OCA2: variants seen among roughly 807,000 people sequenced by gnomAD.
The protein encoded by OCA2 is P protein.
Under a neutral mutation model 100.2 loss-of-function variants are expected in OCA2, and 77 were observed. The ratio of observed to expected loss-of-function variants is 0.77; its 90% CI spans 0.64 to 0.93. The LOEUF is 0.93. OCA2 is among the 40% of genes least tolerant of loss of function. The probability of loss-of-function intolerance (pLI) is 0.00; values close to 1 mark genes in which losing one functional copy is unlikely to be tolerated. For missense variants in OCA2, 1,062 were observed against 1,089.1 expected, an observed-to-expected ratio of 0.98 and a Z score of 0.35; for synonymous variants, 432 against 439.2, an observed-to-expected ratio of 0.98 and a Z score of 0.21.
chr15:28,066,173 T>TG (rs753528760), intron 2 of OCA2, among the ~76,000 whole-genome samples: 1 of 152,230 alleles, frequency 6.6e-6, no homozygotes, highest in Non-Finnish European at 1.5e-5. Flanking sequence ...ATGAGTCACT[T>TG]GGAGATAAAT....
At chr15:28,092,543 G>A (rs1450826237) in intron 1 of OCA2, among the ~76,000 whole-genome samples, 1 of 152,038 alleles carries the variant, frequency 6.6e-6, no homozygotes, top group African/African-American at 2.4e-5. Context: ...AGTAGAGATG[G>A]GGTCTTACTA....
chr15:27,814,202 T>C (rs1304234939), intron 23 of OCA2, among the ~76,000 whole-genome samples: 1 of 148,812 alleles, frequency 6.7e-6, no homozygotes, highest in Admixed American at 6.7e-5. Flanking sequence ...ATCCACAGTT[T>C]ATTTTTTTAA....
intron 21 of OCA2, among the ~76,000 whole-genome samples, chr15:27,860,556 G>A (rs1327011268): frequency 6.6e-6 from 1 of 152,144 alleles, no homozygotes; most frequent in Non-Finnish European, 1.5e-5. Flanking sequence ...GTAATATTTG[G>A]TTTTCTGTTT....
chr15:27,800,455 GA>G (rs1184859464), intron 23 of OCA2, among the ~76,000 whole-genome samples: 8 of 152,088 alleles, frequency 5.3e-5, no homozygotes, highest in African/African-American at 1.2e-4. Context: ...AGAATGATCA[GA>G]AAAAAATACA....
At chr15:28,073,367 T>A (rs1454796223) in intron 2 of OCA2, among the ~76,000 whole-genome samples, 1 of 152,056 alleles carries the variant, frequency 6.6e-6, no homozygotes, top group Non-Finnish European at 1.5e-5. Context: ...TGAGCAAAGA[T>A]TGCACCACTG....
chr15:27,732,371 CCT>C, the OCA2 span, among the ~76,000 whole-genome samples: 1 of 152,146 alleles, frequency 6.6e-6, no homozygotes, highest in Non-Finnish European at 1.5e-5. Flanking sequence ...GAAGAGAGCC[CCT>C]CTGTTGAGAA....
chr15:27,924,392 A>G (rs1330089389), intron 19 of OCA2, among the ~76,000 whole-genome samples: 2 of 119,322 alleles, frequency 1.7e-5, no homozygotes, highest in Non-Finnish European at 3.5e-5. Context: ...GGTCAATTGT[A>G]TGTCTTTTTT....
intron 9 of OCA2, among the ~76,000 whole-genome samples, chr15:27,997,999 G>T (rs2041804799): frequency 1.5e-5 from 2 of 135,974 alleles, no homozygotes; most frequent in Admixed American, 7.7e-5. Context: ...TGGTGTATAA[G>T]AATGCTTGTG....
At chr15:27,894,229 C>T (rs2037590481) in intron 19 of OCA2, among the ~76,000 whole-genome samples, 1 of 152,200 alleles carries the variant, frequency 6.6e-6, no homozygotes, top group Non-Finnish European at 1.5e-5. Context: ...GCCTTTGTCT[C>T]CCACTCCCAC....
intron 3 of OCA2, among the ~76,000 whole-genome samples, chr15:28,030,838 G>C (rs1260669437): frequency 6.6e-6 from 1 of 152,216 alleles, no homozygotes; most frequent in Non-Finnish European, 1.5e-5. Context: ...AGTCTTAAAA[G>C]AATGTGATTA....
intron 21 of OCA2, among the ~76,000 whole-genome samples, chr15:27,864,434 T>TA (rs1316545946): frequency 6.6e-6 from 1 of 152,216 alleles, no homozygotes; most frequent in Non-Finnish European, 1.5e-5. Flanking sequence ...TTAAGTTTTT[T>TA]AAAAAATTGT....
chr15:28,060,936 C>T (rs1187762608), intron 2 of OCA2, among the ~76,000 whole-genome samples: 5 of 152,212 alleles, frequency 3.3e-5, no homozygotes, highest in Admixed American at 3.3e-4. Context: ...CTCAGAGCTC[C>T]AGAGGTGAAT....
chr15:27,867,473 T>C (rs1358294859), intron 21 of OCA2, among the ~76,000 whole-genome samples: 2 of 152,010 alleles, frequency 1.3e-5, no homozygotes, highest in Non-Finnish European at 2.9e-5. Context: ...AAAAATGCAA[T>C]TGGAAAAAGA....
At position 27,957,617 on chromosome 15, in the gene OCA2, C is replaced by G. The variant is rs374714659; in HGVS notation, c.1755G>C (p.Leu585=). ...LLGKVLALEH[L]LARRLHTFHR... is the part of the protein sequence containing the mutation. ...GGAAGGTGTGCAGCCTCCGGGCGAG[C>G]AGGTGCTCCAGTGCCAGCACCTTCC... is the stretch of plus-strand genomic sequence containing the variant. The change falls in exon 16 of 24, where the codon CTG becomes CTC. Residue 585 remains leucine (L), a synonymous_variant. Coordinates refer to ENST00000354638, the MANE Select transcript of OCA2 (RefSeq NM_000275.3). This position sits in a 1 kb window ranked among gnomAD's most constrained non-coding sequence, Gnocchi z 4.3. 6.2e-7 allele frequency: 1 copy of G among 1,612,794 alleles called. No homozygotes were observed. Among genetic ancestry groups the G allele is most frequent in the African/African-American group, 1.3e-5 (1 of 74,930 alleles).
chr15:27,967,858 C>G (rs866879033), intron 14 of OCA2, among the ~76,000 whole-genome samples: 1 of 152,052 alleles, frequency 6.6e-6, no homozygotes, highest in Non-Finnish European at 1.5e-5. Flanking sequence ...ACACAAACGT[C>G]CTGGAATAAG....
At chr15:27,727,406 G>A in the OCA2 span, among the ~76,000 whole-genome samples, 1 of 152,170 alleles carries the variant, frequency 6.6e-6, no homozygotes, top group African/African-American at 2.4e-5. Flanking sequence ...TGAGAATGAG[G>A]CCAGCTTCAG....
chr15:27,899,436 G>C (rs1484558298), intron 19 of OCA2, among the ~76,000 whole-genome samples: 1 of 152,182 alleles, frequency 6.6e-6, no homozygotes, highest in East Asian at 1.9e-4. Flanking sequence ...GGGCTCTTAT[G>C]ATTATTTTAG....
At chr15:27,785,745 T>C (rs916487287) in intron 23 of OCA2, among the ~76,000 whole-genome samples, 5 of 152,212 alleles carry the variant, frequency 3.3e-5, no homozygotes, top group Non-Finnish European at 4.4e-5. Context: ...TCTGGGTATA[T>C]ACCCCAGTGA....
intron 14 of OCA2, among the ~76,000 whole-genome samples, chr15:27,975,015 G>A (rs2040921489): frequency 6.6e-6 from 1 of 152,188 alleles, no homozygotes; most frequent in African/African-American, 2.4e-5. Context: ...TGCCATGGAG[G>A]ATTGTAGCAA....
Sources: gnomAD v4.1 joint callset for allele counts (sites outside exome capture counted in the v4.1 genomes callset) on GRCh38, gnomAD v4.1.1 for gene constraint, Gnocchi (gnomAD v3.1) non-coding constraint, MANE v1.5 for transcripts, NCBI Gene and HGNC (gene_info 2026-07-23, HGNC 2026-07-21) for gene names.